Variants in GPR89B observed in about 807,000 individuals in gnomAD.
The protein encoded by GPR89B is golgi pH regulator B.
Under a neutral mutation model 52.4 loss-of-function variants are expected in GPR89B, and 25 were observed. The observed-to-expected ratio is 0.48, with a 90% CI of 0.35 to 0.67. The LOEUF (loss-of-function observed/expected upper bound fraction) is 0.67, where lower values mean the gene tolerates loss of function less well. Ranked by LOEUF, GPR89B falls within the 30% of genes least tolerant of loss-of-function variation. The probability of loss-of-function intolerance (pLI) is 0.01; values close to 1 mark genes in which losing one functional copy is unlikely to be tolerated. For synonymous variants in GPR89B, 52 were observed against 151.2 expected, an observed-to-expected ratio of 0.34 and a Z score of 4.81; for missense variants, 146 against 450.2, an observed-to-expected ratio of 0.32 and a Z score of 6.11.
intron 7 of GPR89B, among the ~76,000 whole-genome samples, chr1:147,954,786 T>C (rs1359191475): frequency 6.6e-6 from 1 of 152,274 alleles, no homozygotes; most frequent in Admixed American, 6.5e-5. Context: ...TTTTTTTGTT[T>C]AATTTTTTAA....
At chr1:147,970,228 G>T (rs2149077487) in intron 10 of GPR89B, among the ~76,000 whole-genome samples, 1 of 152,082 alleles carries the variant, frequency 6.6e-6, no homozygotes, top group Non-Finnish European at 1.5e-5. Context: ...GGGCATGGTG[G>T]CTCATGCCTA....
At chr1:147,935,196 G>A (rs1487239838) in intron 1 of GPR89B, among the ~76,000 whole-genome samples, 2 of 151,996 alleles carry the variant, frequency 1.3e-5, no homozygotes, top group African/African-American at 4.8e-5. Flanking sequence ...ACTGGGAGAG[G>A]GCTAGAGAGA....
Position 147,943,495 on chromosome 1 carries a change from C to T in GPR89B, c.264C>T (p.Phe88=). 1 of 1,612,764 alleles carries T rather than the reference C, an allele frequency of 6.2e-7. No individual in the cohort carries two copies. Among genetic ancestry groups the T allele is most frequent in the Non-Finnish European group, 8.5e-7 (1 of 1,179,376 alleles). Residue 88 remains phenylalanine (F), a synonymous_variant, in exon 4 of 14, where the codon TTC becomes TTT. Coordinates refer to ENST00000314163, the MANE Select transcript of GPR89B (RefSeq NM_016334.5). The stretch of plus-strand genomic sequence containing the variant: ...GTGTAATTCTGCTGATCCTGGTTTT[C>T]ATGGTGCCTTTTTACATTGGCTATT... ...NLCVILLILV[F]MVPFYIGYFI...
rs1288450402 is a variant in GPR89B, at chr1:147,971,746, C to T, written c.909+1787C>T. Among the ~76,000 whole-genome samples, 15 of 151,986 alleles carry T rather than the reference C, an allele frequency of 9.9e-5. 1 individual carries two copies. Among genetic ancestry groups the T allele is most frequent in the South Asian group, 6.2e-4 (3 of 4,832 alleles). Reference sequence around the variant, plus strand: ...GCGCCTGCCTCAGCCTCCCAAAGTGCTGGGATTACAGGCGTGAGCCACTGC... The same window carrying T: ...GCGCCTGCCTCAGCCTCCCAAAGTGTTGGGATTACAGGCGTGAGCCACTGC... On this transcript the variant is annotated intron_variant, in intron 10 of 13. Transcript: ENST00000314163.
chr1:147,949,398 C>G, intron 5 of GPR89B, among the ~76,000 whole-genome samples: 1 of 137,112 alleles, frequency 7.3e-6, no homozygotes, highest in Non-Finnish European at 1.6e-5. Flanking sequence ...GGCTGACCCC[C>G]CCACCTCCCT....
intron 1 of GPR89B, among the ~76,000 whole-genome samples, chr1:147,929,918 C>T (rs1653405671): frequency 6.6e-6 from 1 of 152,174 alleles, no homozygotes; most frequent in African/African-American, 2.4e-5. Context: ...TAAAACCTTT[C>T]TAAGACTACC....
At chr1:148,000,067 T>C in the GPR89B span, among the ~76,000 whole-genome samples, 1 of 152,224 alleles carries the variant, frequency 6.6e-6, no homozygotes, top group Non-Finnish European at 1.5e-5. Context: ...CTGGTCTTTT[T>C]CTGTAGTCCT....
intron 9 of GPR89B, 159 bp downstream of exon 9, chr1:147,969,122 T>C (rs1362968036): frequency 5.0e-5 from 28 of 563,460 alleles, no homozygotes; most frequent in African/African-American, 4.9e-4. Flanking sequence ...TCACTCTTCA[T>C]GAAATTGCTC....
the GPR89B span, among the ~76,000 whole-genome samples, chr1:148,015,513 A>G: frequency 6.2e-5 from 9 of 145,694 alleles, no homozygotes; most frequent in African/African-American, 2.3e-4. Flanking sequence ...CGGGGGTTTC[A>G]TCATGTTGGC....
chr1:148,006,001 G>A, the GPR89B span, among the ~76,000 whole-genome samples: 14 of 152,000 alleles, frequency 9.2e-5, no homozygotes, highest in Admixed American at 2.6e-4. Context: ...AAATCCAATG[G>A]TAAAGACTTT....
chr1:148,002,038 C>CTT, the GPR89B span, among the ~76,000 whole-genome samples: 3,231 of 129,948 alleles, frequency 0.025, 102 homozygotes, highest in African/African-American at 0.064. Context: ...CCAGATGCTG[C>CTT]TTTTTTTTTT....
intron 3 of GPR89B, among the ~76,000 whole-genome samples, chr1:147,939,889 A>G (rs1553248616): frequency 6.6e-6 from 1 of 151,492 alleles, no homozygotes; most frequent in Non-Finnish European, 1.5e-5. Context: ...AGTGCCAGCT[A>G]CCCTGGAGGC....
chr1:147,970,406 A>G (rs1201344818), intron 10 of GPR89B, among the ~76,000 whole-genome samples: 7 of 152,094 alleles, frequency 4.6e-5, no homozygotes, highest in African/African-American at 1.4e-4. Flanking sequence ...CTGAGGCAGG[A>G]GAATCGCTTG....
In GPR89B at chr1:147,962,081, T is replaced by A. The variant is rs1268635739; in HGVS notation, c.618-4473T>A. On this transcript the variant is annotated intron_variant, in intron 7 of 13. Coordinates refer to ENST00000314163, the MANE Select transcript of GPR89B (RefSeq NM_016334.5). The stretch of plus-strand genomic sequence containing the variant: ...ATTATATAGCTGCAGTAATCAAGAC[T>A]GTGGTACTGGTAGACATAGATCACT... Among the ~76,000 whole-genome samples, 850 of 151,996 alleles carry A rather than the reference T, an allele frequency of 5.6e-3. 23 individuals carry two copies. The highest frequency in any genetic ancestry group is 0.019 in the African/African-American group (802 of 41,296).
intron 3 of GPR89B, among the ~76,000 whole-genome samples, chr1:147,939,032 T>A (rs1247003397): frequency 1.6e-5 from 2 of 126,526 alleles, no homozygotes; most frequent in Non-Finnish European, 3.3e-5. Context: ...GATCTGACCG[T>A]TAACTCTGAA....
chr1:148,014,643 C>T, the GPR89B span: 1 of 152,028 alleles, frequency 6.6e-6, no homozygotes. Context: ...CCACCTTCTC[C>T]TCTGCTCTCC....
intron 10 of GPR89B, among the ~76,000 whole-genome samples, chr1:147,973,682 A>G (rs1657633845): frequency 2.0e-5 from 3 of 151,204 alleles, no homozygotes; most frequent in African/African-American, 2.4e-5. Flanking sequence ...ATTAGATCCC[A>G]TTTGTCAATT....
chr1:148,023,344 G>A, the GPR89B span, among the ~76,000 whole-genome samples: 1 of 146,164 alleles, frequency 6.8e-6, no homozygotes, highest in Non-Finnish European at 1.5e-5. Flanking sequence ...ATCCACCATT[G>A]ATGGGCACCT....
rs1230186882 is a variant in GPR89B, at chr1:147,977,596, G to A, written c.909+7637G>A. 7.9e-3 allele frequency among the ~76,000 whole-genome samples: 1,189 copies of A among 151,370 alleles called. 22 individuals are homozygous for A. Among genetic ancestry groups the A allele is most frequent in the African/African-American group, 0.027 (1,098 of 40,992 alleles). ...ATGTTTTCCAACTTGAAACGGTTCC[G>A]TTCTCCCCGTCTCTTCCAGGTACCT... On this transcript the variant is annotated intron_variant, in intron 10 of 13. Transcript: ENST00000314163.
Sources: allele counts gnomAD v4.1 joint callset (sites outside exome capture counted in the v4.1 genomes callset), GRCh38; gene constraint gnomAD v4.1.1; transcripts MANE v1.5; gene names NCBI Gene and HGNC (gene_info 2026-07-23, HGNC 2026-07-21).